The following LMNTD1 variants were observed in gnomAD, a reference collection of about 807,000 sequenced individuals.
The protein encoded by LMNTD1 is lamin tail domain-containing protein 1.
Under a neutral mutation model 50.9 loss-of-function variants are expected in LMNTD1, and 35 were observed. The ratio of observed to expected loss-of-function variants is 0.69; its 90% CI spans 0.53 to 0.91. LMNTD1 has a LOEUF of 0.91. Among genes scored for constraint, LMNTD1 ranks in the 40% least tolerant of loss-of-function variants. The pLI, the probability that LMNTD1 is intolerant of heterozygous loss-of-function variation, is 0.00. For missense variants in LMNTD1, 470 were observed against 475.5 expected (o/e 0.99, Z 0.11); for synonymous variants, 153 against 161.9 (o/e 0.94, Z 0.42).
intron 2 of LMNTD1, among the ~76,000 whole-genome samples, chr12:25,552,602 C>G (rs829049): frequency 0.9 from 118,338 of 131,334 alleles, 53,629 homozygotes; most frequent in East Asian, 0.98. Context: ...AAAAAAAAAA[C>G]GGAACTTTGG....
chr12:25,558,372 T>C (rs1944127364), intron 1 of LMNTD1, among the ~76,000 whole-genome samples: 1 of 152,212 alleles, frequency 6.6e-6, no homozygotes, highest in Non-Finnish European at 1.5e-5. Context: ...GACCTGTTAT[T>C]TGAAATTTTT....
At chr12:25,586,883 C>G (rs540287596) in intron 1 of LMNTD1, among the ~76,000 whole-genome samples, 1 of 152,258 alleles carries the variant, frequency 6.6e-6, no homozygotes, top group Admixed American at 6.5e-5. Context: ...AAAACACAAA[C>G]TCCTTGACAA....
chr12:25,608,315 G>A (rs4337125), intron 1 of LMNTD1, among the ~76,000 whole-genome samples: 49,791 of 152,108 alleles, frequency 0.33, 9,370 homozygotes, highest in East Asian at 0.86. Flanking sequence ...TTTAATTGGG[G>A]CATTTAGCCC....
intron 1 of LMNTD1, among the ~76,000 whole-genome samples, chr12:25,619,252 C>CTCTCTCTCTATATATATATATATA (rs1374134268): frequency 2.0e-4 from 17 of 84,404 alleles, no homozygotes; most frequent in East Asian, 4.2e-4. Context: ...CTCTCTCTCT[C>CTCTCTCTCTATATATATATATATA]TATATATATA....
chr12:25,491,723 G>A (rs3863354), intron 9 of LMNTD1, among the ~76,000 whole-genome samples: 142,968 of 152,272 alleles, frequency 0.94, 67,350 homozygotes, highest in East Asian at 0.99. Flanking sequence ...AGGCAACACA[G>A]GGATAGACCA....
At chr12:25,596,091 G>C (rs1175323859) in intron 1 of LMNTD1, among the ~76,000 whole-genome samples, 2 of 151,892 alleles carry the variant, frequency 1.3e-5, no homozygotes, top group Non-Finnish European at 2.9e-5. Context: ...GATTGAAATG[G>C]TAATTTAAAA....
chr12:25,606,869 T>C (rs368952879), intron 1 of LMNTD1, among the ~76,000 whole-genome samples: 3 of 152,136 alleles, frequency 2.0e-5, no homozygotes, highest in Non-Finnish European at 4.4e-5. Context: ...GGAGGATTCC[T>C]TCTTTTCCTA....
chr12:25,489,488 G>A (rs973922045), intron 9 of LMNTD1, among the ~76,000 whole-genome samples: 3 of 141,910 alleles, frequency 2.1e-5, no homozygotes, highest in Non-Finnish European at 3.1e-5. Flanking sequence ...GCTTTGGCTC[G>A]CGCACGGTGC....
At chr12:25,519,105 A>G in intron 7 of LMNTD1, 138 bp from the exon 8 acceptor site, 3 of 731,822 alleles carry the variant, frequency 4.1e-6, no homozygotes, top group Non-Finnish European at 6.7e-6. Flanking sequence ...CAGAACTTTT[A>G]TTATAACTTC....
At chr12:25,628,471 G>A (rs1372636882) in intron 1 of LMNTD1, among the ~76,000 whole-genome samples, 3 of 152,074 alleles carry the variant, frequency 2.0e-5, no homozygotes, top group Non-Finnish European at 2.9e-5. Context: ...CATCAGAATT[G>A]TAGATTCTAA....
At chr12:25,616,934 A>G (rs1016260064) in intron 1 of LMNTD1, among the ~76,000 whole-genome samples, 11 of 152,188 alleles carry the variant, frequency 7.2e-5, no homozygotes, top group African/African-American at 1.9e-4. Flanking sequence ...TTACATAAAC[A>G]TGGGATTATC....
At chr12:25,505,614 A>C (rs992017881) in intron 8 of LMNTD1, among the ~76,000 whole-genome samples, 1 of 151,444 alleles carries the variant, frequency 6.6e-6, no homozygotes, top group Admixed American at 6.6e-5. Flanking sequence ...TATACGATGC[A>C]GTAAAATTTT....
chr12:25,498,778 G>T (rs1487920513), intron 9 of LMNTD1, among the ~76,000 whole-genome samples: 4 of 152,098 alleles, frequency 2.6e-5, no homozygotes, highest in Non-Finnish European at 5.9e-5. Context: ...TTATCTAAAA[G>T]AAACTATTTT....
At chr12:25,518,730 C>T in intron 8 of LMNTD1, 65 bp downstream of exon 8, 1 of 1,409,244 alleles carries the variant, frequency 7.1e-7, no homozygotes, top group Non-Finnish European at 9.9e-7. Flanking sequence ...ACTTAACCCA[C>T]TAGTTAACAC....
intron 4 of LMNTD1, among the ~76,000 whole-genome samples, chr12:25,533,141 C>A (rs1459948035): frequency 1.3e-5 from 2 of 152,164 alleles, no homozygotes; most frequent in Admixed American, 1.3e-4. Context: ...CATATCAGAG[C>A]ACTTTATTTG....
intron 1 of LMNTD1, among the ~76,000 whole-genome samples, chr12:25,636,843 A>G (rs893573450): frequency 6.6e-6 from 1 of 152,196 alleles, no homozygotes; most frequent in Non-Finnish European, 1.5e-5. Flanking sequence ...AGCAATCTTC[A>G]CTTAGAATAA....
intron 1 of LMNTD1, among the ~76,000 whole-genome samples, chr12:25,606,793 CT>C (rs879088708): frequency 2.0e-5 from 3 of 152,056 alleles, no homozygotes; most frequent in African/African-American, 7.2e-5. Flanking sequence ...CTAAAATTCT[CT>C]TTTTTTGTTG....
chr12:25,537,975 A>G (rs1209693753), intron 4 of LMNTD1, among the ~76,000 whole-genome samples: 1 of 149,594 alleles, frequency 6.7e-6, no homozygotes, highest in Non-Finnish European at 1.5e-5. Flanking sequence ...GGGTATCAGC[A>G]ATGGAAGATG....
At chr12:25,598,958 T>A (rs1945905238) in intron 1 of LMNTD1, among the ~76,000 whole-genome samples, 1 of 152,002 alleles carries the variant, frequency 6.6e-6, no homozygotes, top group Non-Finnish European at 1.5e-5. Flanking sequence ...ATTCAAACTA[T>A]TCTGAAAAAT....
Sources: allele counts gnomAD v4.1 joint callset (sites outside exome capture counted in the v4.1 genomes callset), GRCh38; gene constraint gnomAD v4.1.1; transcripts MANE v1.5; gene names NCBI Gene and HGNC (gene_info 2026-07-23, HGNC 2026-07-21).